Variants in AKT3 observed in about 807,000 individuals in gnomAD.
AKT3 encodes AKT serine/threonine kinase 3, also known as RAC-gamma serine/threonine-protein kinase.
AKT3 carries 15 observed loss-of-function variants against 65.3 expected under a neutral mutation model. The observed-to-expected ratio is 0.23, with a 90% CI of 0.15 to 0.35. AKT3 has a LOEUF of 0.35. Ranked by LOEUF, AKT3 falls within the 10% of genes least tolerant of loss-of-function variation. The pLI is 1.00. For synonymous variants in AKT3, 206 were observed against 183.8 expected, an observed-to-expected ratio of 1.12 and a Z score of -0.98; for missense variants, 243 against 576.5, an observed-to-expected ratio of 0.42 and a Z score of 5.92.
chr1:243,641,004 C>T (rs975726238), intron 5 of AKT3, among the ~76,000 whole-genome samples: 5 of 151,974 alleles, frequency 3.3e-5, no homozygotes, highest in African/African-American at 1.2e-4. Flanking sequence ...CGGGTGGGCA[C>T]CATCTAATCA....
chr1:243,664,368 T>C (rs1324630197), intron 4 of AKT3, among the ~76,000 whole-genome samples: 1 of 151,126 alleles, frequency 6.6e-6, no homozygotes, highest in South Asian at 2.1e-4. Flanking sequence ...GGCTGATTTT[T>C]TGTGTGTGTG....
chr1:243,727,616 A>G (rs1687291085), intron 2 of AKT3, among the ~76,000 whole-genome samples: 1 of 152,158 alleles, frequency 6.6e-6, no homozygotes, highest in South Asian at 2.1e-4. Context: ...CTTACTCTTC[A>G]TTGTAATTTA....
At chr1:243,561,974 T>C (rs1673817331) in intron 10 of AKT3, among the ~76,000 whole-genome samples, 1 of 152,096 alleles carries the variant, frequency 6.6e-6, no homozygotes, top group Non-Finnish European at 1.5e-5. Flanking sequence ...ATGACAGAAA[T>C]GATGTTGTGT....
At chr1:243,649,460 T>C (rs1042348318) in intron 4 of AKT3, among the ~76,000 whole-genome samples, 1 of 151,886 alleles carries the variant, frequency 6.6e-6, no homozygotes, top group Non-Finnish European at 1.5e-5. Context: ...ATGTGCAGAA[T>C]GTGCAGTTTT....
At chr1:243,603,132 T>C (rs1382043298) in intron 8 of AKT3, among the ~76,000 whole-genome samples, 1 of 152,208 alleles carries the variant, frequency 6.6e-6, no homozygotes, top group African/African-American at 2.4e-5. Flanking sequence ...ATTAGCAGTG[T>C]GATTGGTCAT....
chr1:243,649,129 CTCT>C (rs1681070566), intron 4 of AKT3, among the ~76,000 whole-genome samples: 1 of 151,906 alleles, frequency 6.6e-6, no homozygotes, highest in Admixed American at 6.6e-5. Flanking sequence ...TTTCTAATGG[CTCT>C]TGTGAGTTTT....
At chr1:243,531,175 T>C (rs1671500991) in intron 12 of AKT3, among the ~76,000 whole-genome samples, 1 of 152,154 alleles carries the variant, frequency 6.6e-6, no homozygotes, top group Non-Finnish European at 1.5e-5. Context: ...ATTGCAGCCT[T>C]GATCTCCTGG....
At chr1:243,823,632 A>G (rs920187941) in intron 2 of AKT3, among the ~76,000 whole-genome samples, 40 of 152,314 alleles carry the variant, frequency 2.6e-4, no homozygotes, top group Non-Finnish European at 5.1e-4. Context: ...AACAACAGAC[A>G]AGCAGAGAGC....
chr1:243,541,012 T>C (rs1045886288), intron 12 of AKT3, among the ~76,000 whole-genome samples: 1 of 152,188 alleles, frequency 6.6e-6, no homozygotes. Context: ...TGGTTAAAAC[T>C]GTGTTTTCCA....
intron 2 of AKT3, among the ~76,000 whole-genome samples, chr1:243,796,441 A>G (rs957975915): frequency 2.0e-5 from 3 of 152,200 alleles, no homozygotes; most frequent in African/African-American, 7.2e-5. Flanking sequence ...TTGCTGTTAC[A>G]TGGAAATCAG....
chr1:243,619,113 TC>T (rs1201189738), intron 6 of AKT3, among the ~76,000 whole-genome samples: 1 of 152,102 alleles, frequency 6.6e-6, no homozygotes, highest in Non-Finnish European at 1.5e-5. Flanking sequence ...CAAGACACAT[TC>T]CGTCTAAACC....
At chr1:243,499,687 G>C (rs927738350), downstream of AKT3, 1 of 1,261,374 alleles carries the variant, frequency 7.9e-7, no homozygotes, top group African/African-American at 1.5e-5. Context: ...GACTAAACCA[G>C]CAAATGAGAA....
At chr1:243,512,811 AG>A (rs1670100749) in intron 12 of AKT3, among the ~76,000 whole-genome samples, 1 of 152,200 alleles carries the variant, frequency 6.6e-6, no homozygotes. Flanking sequence ...CTAGCTGAAG[AG>A]GGTAGTAATA....
chr1:243,699,973 TC>T (rs1354288600), intron 2 of AKT3, among the ~76,000 whole-genome samples: 1 of 152,158 alleles, frequency 6.6e-6, no homozygotes, highest in East Asian at 1.9e-4. Context: ...AAGTGGGTTC[TC>T]CCCTGGAGCC....
chr1:243,544,608 C>A (rs948073205), intron 12 of AKT3, among the ~76,000 whole-genome samples: 5 of 151,802 alleles, frequency 3.3e-5, no homozygotes, highest in East Asian at 1.9e-4. Flanking sequence ...CCAACAGAGA[C>A]CTTGCCTCAA....
chr1:243,671,372 A>T (rs1209234828), intron 3 of AKT3, among the ~76,000 whole-genome samples: 1 of 152,174 alleles, frequency 6.6e-6, no homozygotes, highest in Non-Finnish European at 1.5e-5. Flanking sequence ...GAGCCACTGC[A>T]TCCGGCCAGA....
intron 3 of AKT3, among the ~76,000 whole-genome samples, chr1:243,688,826 C>CTT (rs576896893): frequency 1.3e-5 from 2 of 149,346 alleles, no homozygotes; most frequent in South Asian, 4.2e-4. Context: ...CTAATCTGAG[C>CTT]TTTTTTTTTT....
chr1:243,584,600 T>C (rs932013975), intron 8 of AKT3, among the ~76,000 whole-genome samples: 4 of 152,184 alleles, frequency 2.6e-5, no homozygotes, highest in Non-Finnish European at 4.4e-5. Context: ...CATGATCAAG[T>C]AGGCATCATT....
chr1:243,702,207 T>C (rs370282331), intron 2 of AKT3, among the ~76,000 whole-genome samples: 1 of 151,998 alleles, frequency 6.6e-6, no homozygotes, highest in Non-Finnish European at 1.5e-5. Flanking sequence ...CAATGCTATG[T>C]TGTGTAACAA....
Sources: allele counts gnomAD v4.1 joint callset (sites outside exome capture counted in the v4.1 genomes callset), GRCh38; gene constraint gnomAD v4.1.1; transcripts MANE v1.5; gene names NCBI Gene and HGNC (gene_info 2026-07-23, HGNC 2026-07-21).